The following CFAP96 variants were observed in gnomAD, a reference collection of about 807,000 sequenced individuals.
CFAP96 encodes cilia and flagella associated protein 96, also known as cilia-and flagella-associated protein 96.
the CFAP96 span, chr4:185,418,503 C>CAAATCT: frequency 1.6e-5 from 26 of 1,611,784 alleles, no homozygotes; most frequent in Non-Finnish European, 2.1e-5. Flanking sequence ...TCTTCTGGCT[C>CAAATCT]AAATCTAAAT....
chr4:185,422,520 C>A, the CFAP96 span: 1 of 1,611,624 alleles, frequency 6.2e-7, no homozygotes, highest in Non-Finnish European at 8.5e-7. Context: ...CAAATCAAGG[C>A]CTCCTCTTAT....
At chr4:185,418,674 A>T in the CFAP96 span, 4 of 1,614,058 alleles carry the variant, frequency 2.5e-6, no homozygotes. Flanking sequence ...CCATATATAC[A>T]CTGAACTGTG....
the CFAP96 span, among the ~76,000 whole-genome samples, chr4:185,433,396 C>G: frequency 4.7e-4 from 13 of 27,946 alleles, no homozygotes; most frequent in Non-Finnish European, 9.2e-4. Context: ...GACTCCATCT[C>G]AAAAAAAAAA....
chr4:185,417,702 G>GT, the CFAP96 span, among the ~76,000 whole-genome samples: 8 of 152,202 alleles, frequency 5.3e-5, no homozygotes, highest in East Asian at 1.2e-3. Flanking sequence ...TTCAATATCT[G>GT]TTAAAGTTTG....
the CFAP96 span, among the ~76,000 whole-genome samples, chr4:185,420,328 A>G: frequency 2.0e-5 from 3 of 152,182 alleles, no homozygotes; most frequent in Non-Finnish European, 4.4e-5. Context: ...TGAATATTTG[A>G]CACATTCAAT....
At chr4:185,447,382 G>A in the CFAP96 span, among the ~76,000 whole-genome samples, 88 of 152,064 alleles carry the variant, frequency 5.8e-4, no homozygotes, top group Non-Finnish European at 1.0e-3. Context: ...GGGTTTCACT[G>A]TGTTAGCCAG....
At chr4:185,438,683 T>C in the CFAP96 span, among the ~76,000 whole-genome samples, 5 of 152,222 alleles carry the variant, frequency 3.3e-5, no homozygotes, top group Admixed American at 3.3e-4. Context: ...TTATAAATAT[T>C]CTCGGGCTTT....
the CFAP96 span, among the ~76,000 whole-genome samples, chr4:185,436,696 C>A: frequency 9.0e-6 from 1 of 111,310 alleles, no homozygotes; most frequent in African/African-American, 3.1e-5. Flanking sequence ...GGTGACAGAA[C>A]GAGACTCCGT....
At chr4:185,436,171 G>T in the CFAP96 span, 11 of 1,550,548 alleles carry the variant, frequency 7.1e-6, no homozygotes, top group Non-Finnish European at 9.6e-6. Flanking sequence ...GGAAAGAAAG[G>T]AACTGGATAT....
the CFAP96 span, chr4:185,426,400 A>T: frequency 2.0e-5 from 3 of 152,904 alleles, no homozygotes; most frequent in African/African-American, 7.3e-5. Context: ...AAGAAAGGTG[A>T]CTTGGTCCTC....
chr4:185,444,260 T>A, the CFAP96 span, among the ~76,000 whole-genome samples: 7 of 151,618 alleles, frequency 4.6e-5, no homozygotes, highest in Admixed American at 4.6e-4. Context: ...GCCTGTATCT[T>A]TCAAATGAAT....
At chr4:185,448,576 A>C in the CFAP96 span, among the ~76,000 whole-genome samples, 2 of 152,208 alleles carry the variant, frequency 1.3e-5, no homozygotes, top group African/African-American at 4.8e-5. Context: ...AAATGTATGT[A>C]ATTTAAACTG....
At chr4:185,423,769 TAC>T in the CFAP96 span, among the ~76,000 whole-genome samples, 3 of 151,850 alleles carry the variant, frequency 2.0e-5, no homozygotes, top group African/African-American at 7.3e-5. Context: ...TACACATATA[TAC>T]ACACACAGAT....
At chr4:185,419,441 T>A in the CFAP96 span, among the ~76,000 whole-genome samples, 2 of 152,210 alleles carry the variant, frequency 1.3e-5, no homozygotes, top group East Asian at 3.8e-4. Context: ...TCCTACATCT[T>A]TTCTAATTTG....
chr4:185,412,175 T>G, the CFAP96 span, among the ~76,000 whole-genome samples: 2 of 152,218 alleles, frequency 1.3e-5, no homozygotes, highest in Admixed American at 6.5e-5. Context: ...ATGATAAATA[T>G]GTAAAGTATA....
the CFAP96 span, among the ~76,000 whole-genome samples, chr4:185,423,790 TCATACATATATA>T: frequency 1.3e-5 from 2 of 151,868 alleles, no homozygotes; most frequent in African/African-American, 2.4e-5. Context: ...ATACACATAT[TCATACATATATA>T]CATACATATA....
At chr4:185,441,302 CT>C in the CFAP96 span, among the ~76,000 whole-genome samples, 29 of 151,614 alleles carry the variant, frequency 1.9e-4, no homozygotes, top group African/African-American at 5.1e-4. Flanking sequence ...TTAGTCAATA[CT>C]TTTTTTTTCT....
At chr4:185,445,981 A>T in the CFAP96 span, among the ~76,000 whole-genome samples, 42 of 152,216 alleles carry the variant, frequency 2.8e-4, no homozygotes, top group African/African-American at 9.9e-4. Flanking sequence ...AGCTGGGATT[A>T]CAGGCATGCA....
At chr4:185,430,210 A>G in the CFAP96 span, among the ~76,000 whole-genome samples, 1 of 152,222 alleles carries the variant, frequency 6.6e-6, no homozygotes, top group Non-Finnish European at 1.5e-5. Context: ...GGATTTTTAC[A>G]AAAGTCATAA....
Sources: gnomAD v4.1 joint callset for allele counts (sites outside exome capture counted in the v4.1 genomes callset) on GRCh38, gnomAD v4.1.1 for gene constraint, MANE v1.5 for transcripts, NCBI Gene and HGNC (gene_info 2026-07-23, HGNC 2026-07-21) for gene names.